TLCD4: variants seen among roughly 807,000 people sequenced by gnomAD.
TLCD4 encodes the protein TLC domain containing 4.
In TLCD4, 7 loss-of-function variants were observed where a neutral mutation model predicts 24.2. The observed-to-expected ratio is 0.29, with a 90% CI of 0.16 to 0.54. The LOEUF is 0.54. Ranked by LOEUF, TLCD4 falls within the 20% of genes least tolerant of loss-of-function variation. The pLI, the probability that TLCD4 is intolerant of heterozygous loss-of-function variation, is 0.95. For synonymous variants in TLCD4, 103 were observed against 106.4 expected (o/e 0.97, Z 0.20); for missense variants, 259 against 313.9 (o/e 0.82, Z 1.32).
At chr1:95,161,821 A>T (rs1367181208) in intron 5 of TLCD4, among the ~76,000 whole-genome samples, 8 of 152,042 alleles carry the variant, frequency 5.3e-5, no homozygotes, top group African/African-American at 1.9e-4. Context: ...TTTGAGTGAG[A>T]TTCTTAATCC....
intron 1 of TLCD4, among the ~76,000 whole-genome samples, chr1:95,139,189 A>AG (rs1240925016): frequency 6.6e-6 from 1 of 150,512 alleles, no homozygotes; most frequent in Non-Finnish European, 1.5e-5. Flanking sequence ...AAAAAAAAAA[A>AG]AAAAAAAAGA....
the TLCD4 span, among the ~76,000 whole-genome samples, chr1:95,096,700 C>G: frequency 3.7e-4 from 57 of 152,158 alleles, no homozygotes; most frequent in Non-Finnish European, 6.0e-4. Context: ...CTCTGGCCCC[C>G]GCTAATGGGT....
chr1:95,137,164 C>T (rs1677066809), intron 1 of TLCD4, among the ~76,000 whole-genome samples: 1 of 152,052 alleles, frequency 6.6e-6, no homozygotes. Flanking sequence ...TGCCTGATCG[C>T]CTTCATTTTC....
At chr1:95,104,765 C>A in the TLCD4 span, among the ~76,000 whole-genome samples, 1 of 151,754 alleles carries the variant, frequency 6.6e-6, no homozygotes, top group East Asian at 1.9e-4. Context: ...GCATGGCTCA[C>A]ACCAGAAATC....
At chr1:95,129,690 C>T (rs755311484) in intron 1 of TLCD4, among the ~76,000 whole-genome samples, 7 of 152,152 alleles carry the variant, frequency 4.6e-5, no homozygotes, top group Non-Finnish European at 8.8e-5. Context: ...TGCAGTGAAC[C>T]GAGATCGTGC....
the TLCD4 span, among the ~76,000 whole-genome samples, chr1:95,111,355 A>G: frequency 6.6e-6 from 1 of 151,876 alleles, no homozygotes; most frequent in Admixed American, 6.6e-5. Flanking sequence ...AATGAAAGAC[A>G]TTTACAAAAT....
intron 1 of TLCD4, among the ~76,000 whole-genome samples, chr1:95,132,456 C>A (rs1458653530): frequency 9.7e-4 from 70 of 72,412 alleles, no homozygotes; most frequent in African/African-American, 1.3e-3. Context: ...GACTCCAACT[C>A]AAAAAAAAAA....
At chr1:95,165,533 T>C (rs2100975145) in intron 5 of TLCD4, among the ~76,000 whole-genome samples, 1 of 151,910 alleles carries the variant, frequency 6.6e-6, no homozygotes, top group African/African-American at 2.4e-5. Context: ...TGGCGTGATC[T>C]TGGCTCACTG....
At chr1:95,141,440 G>A (rs1047203939) in intron 1 of TLCD4, among the ~76,000 whole-genome samples, 1 of 152,078 alleles carries the variant, frequency 6.6e-6, no homozygotes, top group Non-Finnish European at 1.5e-5. Flanking sequence ...GAGAGCATAC[G>A]AAAGTCTTCA....
rs779625412 is a variant in TLCD4 at position 95,151,313 on chromosome 1, T to G, written c.305-12T>G. The G allele has an allele frequency of 1.9e-6, 3 of 1,612,322 alleles. No individual in the cohort carries two copies. Among genetic ancestry groups the G allele is most frequent in the Non-Finnish European group, 2.5e-6 (3 of 1,178,862 alleles). Reference sequence around the variant, plus strand: ...TCTTATGTAATACCTTACTCACTTTTCTTTCTTACAGATTTGTCCATTATA... The same window carrying G: ...TCTTATGTAATACCTTACTCACTTTGCTTTCTTACAGATTTGTCCATTATA... On this transcript the variant is annotated splice_polypyrimidine_tract_variant and intron_variant, in intron 4 of 6. Coordinates refer to ENST00000370203, the MANE Select transcript of TLCD4 (RefSeq NM_152487.3).
chr1:95,099,769 T>C, the TLCD4 span, among the ~76,000 whole-genome samples: 4 of 152,196 alleles, frequency 2.6e-5, no homozygotes, highest in Non-Finnish European at 5.9e-5. Flanking sequence ...CATTAACTCA[T>C]TCAATTCTCA....
intron 5 of TLCD4, 150 bp from the exon 6 acceptor site, chr1:95,173,666 T>C: frequency 2.2e-6 from 2 of 925,204 alleles, no homozygotes; most frequent in Non-Finnish European, 3.2e-6. Flanking sequence ...ACGAAGAAAA[T>C]CAGTTTAACA....
intron 1 of TLCD4, among the ~76,000 whole-genome samples, chr1:95,118,848 A>G (rs1302735768): frequency 1.3e-5 from 2 of 152,222 alleles, no homozygotes; most frequent in African/African-American, 4.8e-5. Flanking sequence ...AGAAAATATG[A>G]AAGAATGGGT....
intron 3 of TLCD4, 53 bp downstream of exon 3, chr1:95,148,844 A>G: frequency 6.3e-7 from 1 of 1,591,856 alleles, no homozygotes; most frequent in East Asian, 2.2e-5. Context: ...TTTGATATTA[A>G]TTATTTATAA....
Position 95,133,278 on chromosome 1 carries a change from A to G in TLCD4, c.-11-10613A>G, listed in dbSNP as rs541851145. Among the ~76,000 whole-genome samples the G allele has an allele frequency of 1.8e-4, 28 of 152,280 alleles. 2 individuals carry two copies. The highest frequency in any genetic ancestry group is 6.5e-4 in the African/African-American group (27 of 41,544). On this transcript the variant is annotated intron_variant, in intron 1 of 6. Coordinates refer to ENST00000370203, the MANE Select transcript of TLCD4 (RefSeq NM_152487.3). ...AGGGATAGCATTAGCAGATATACCT[A>G]ATGTTAAATGATGAGTTAATGGGTG...
At chr1:95,141,636 T>G (rs1436958941) in intron 1 of TLCD4, among the ~76,000 whole-genome samples, 1 of 152,200 alleles carries the variant, frequency 6.6e-6, no homozygotes, top group Non-Finnish European at 1.5e-5. Context: ...ACAAAACTTT[T>G]ATGTATTGTT....
intron 1 of TLCD4, among the ~76,000 whole-genome samples, chr1:95,121,690 CA>C (rs1676575880): frequency 6.6e-6 from 1 of 152,180 alleles, no homozygotes; most frequent in Non-Finnish European, 1.5e-5. Flanking sequence ...AGGCTGGTCT[CA>C]ACTCCTGGCC....
rs1278615065 is a variant in TLCD4, at chr1:95,195,826, C to G, written c.*3958C>G. ...TTTTCCCTTAAACGCCGTGATAGTC[C>G]TCCCTTGATCTAGAAGTATTCTCTT... On this transcript the variant is annotated 3_prime_UTR_variant, in exon 7 of 7. Coordinates refer to ENST00000370203, the MANE Select transcript of TLCD4 (RefSeq NM_152487.3). 1 of 152,070 alleles carries G rather than the reference C, an allele frequency of 6.6e-6. No homozygotes were observed. Among genetic ancestry groups the G allele is most frequent in the Non-Finnish European group, 1.5e-5 (1 of 68,008 alleles). The allele number at this position is 152,070 out of a possible 1,614,324, so 9.4% of individuals were successfully genotyped here.
intron 5 of TLCD4, among the ~76,000 whole-genome samples, chr1:95,156,861 G>C (rs986290163): frequency 6.6e-6 from 1 of 152,140 alleles, no homozygotes; most frequent in Non-Finnish European, 1.5e-5. Flanking sequence ...GAGATGCATG[G>C]CTATCCCAGG....
Sources: gnomAD v4.1 joint callset for allele counts (sites outside exome capture counted in the v4.1 genomes callset) on GRCh38, gnomAD v4.1.1 for gene constraint, MANE v1.5 for transcripts, NCBI Gene and HGNC (gene_info 2026-07-23, HGNC 2026-07-21) for gene names.